The following FMN1 variants were observed in gnomAD, a reference collection of about 807,000 sequenced individuals.
FMN1 encodes the protein formin 1.
In FMN1, 110 loss-of-function variants were observed where a neutral mutation model predicts 132.4. The observed-to-expected ratio is 0.83, with a 90% confidence interval of 0.71 to 0.97. The LOEUF (loss-of-function observed/expected upper bound fraction) is 0.97, where lower values mean the gene tolerates loss of function less well. Among genes scored for constraint, FMN1 ranks in the 50% least tolerant of loss-of-function variants. FMN1 has a pLI of 0.00. For missense variants in FMN1, 1,792 were observed against 1,705.3 expected (o/e 1.05, Z -0.90); for synonymous variants, 722 against 651.7 (o/e 1.11, Z -1.64).
At chr15:33,181,465 C>T (rs1158514457) in intron 2 of FMN1, among the ~76,000 whole-genome samples, 6 of 152,214 alleles carry the variant, frequency 3.9e-5, no homozygotes, top group South Asian at 4.1e-4. Context: ...AAAAGCTGCT[C>T]GCTGCAAACA....
chr15:32,831,611 G>C (rs943817768), intron 17 of FMN1, among the ~76,000 whole-genome samples: 1 of 152,104 alleles, frequency 6.6e-6, no homozygotes, highest in African/African-American at 2.4e-5. Context: ...GCAATCATGA[G>C]ACTCCCTAGA....
intron 17 of FMN1, among the ~76,000 whole-genome samples, chr15:32,853,563 A>G (rs2059057737): frequency 6.6e-6 from 1 of 152,236 alleles, no homozygotes; most frequent in Non-Finnish European, 1.5e-5. Context: ...ATTTTCTACG[A>G]ATCAGTGAAA....
At chr15:33,013,901 T>C (rs2034884477) in intron 6 of FMN1, among the ~76,000 whole-genome samples, 1 of 152,254 alleles carries the variant, frequency 6.6e-6, no homozygotes, top group Non-Finnish European at 1.5e-5. Flanking sequence ...TTTGCAATGA[T>C]TCATTTTGTG....
intron 6 of FMN1, among the ~76,000 whole-genome samples, chr15:33,033,718 TACTGTCTCC>T (rs2036057781): frequency 6.6e-6 from 1 of 151,816 alleles, no homozygotes. Context: ...GTCACCTACA[TACTGTCTCC>T]AATTATCATT....
chr15:32,906,611 T>C (rs1427850659), intron 12 of FMN1, among the ~76,000 whole-genome samples: 1 of 152,232 alleles, frequency 6.6e-6, no homozygotes, highest in African/African-American at 2.4e-5. Flanking sequence ...ACCCAAGTGC[T>C]TTGATATGCC....
chr15:33,129,787 A>ATTT (rs61564380), intron 4 of FMN1, among the ~76,000 whole-genome samples: 7 of 121,730 alleles, frequency 5.8e-5, no homozygotes, highest in African/African-American at 9.4e-5. Context: ...TTGACTAGCA[A>ATTT]TTTTTTTTTT....
chr15:33,134,103 A>G (rs907806313), intron 4 of FMN1, among the ~76,000 whole-genome samples: 1 of 152,000 alleles, frequency 6.6e-6, no homozygotes, highest in Non-Finnish European at 1.5e-5. Flanking sequence ...CACACAACAC[A>G]TGCCCAGCTA....
intron 2 of FMN1, among the ~76,000 whole-genome samples, chr15:33,181,675 C>T (rs1965705476): frequency 6.7e-6 from 1 of 149,578 alleles, no homozygotes; most frequent in African/African-American, 2.5e-5. Flanking sequence ...GAGACAAGAT[C>T]TGATTATATT....
chr15:32,774,405 T>G, intron 20 of FMN1, 51 bp from the exon 21 acceptor site: 1 of 1,469,408 alleles, frequency 6.8e-7, no homozygotes, highest in Non-Finnish European at 9.3e-7. Context: ...CTTTCTCAAG[T>G]TTTGATACAT....
chr15:32,992,668 T>C (rs2033508046), intron 7 of FMN1, among the ~76,000 whole-genome samples: 1 of 152,204 alleles, frequency 6.6e-6, no homozygotes, highest in Non-Finnish European at 1.5e-5. Context: ...TTTCTTCTAA[T>C]ATCCTAATCA....
intron 19 of FMN1, among the ~76,000 whole-genome samples, chr15:32,785,183 T>TGTGC (rs1202567063): frequency 2.4e-5 from 1 of 41,060 alleles, no homozygotes; most frequent in Non-Finnish European, 5.0e-5. Context: ...TGTGTGTGTG[T>TGTGC]GTGTGTGTGT....
intron 19 of FMN1, 116 bp downstream of exon 19, chr15:32,798,688 C>G: frequency 1.0e-6 from 1 of 981,204 alleles, no homozygotes; most frequent in South Asian, 1.9e-5. Context: ...TCCCCTATGA[C>G]CACTTCATCC....
intron 7 of FMN1, among the ~76,000 whole-genome samples, chr15:32,987,008 T>G (rs949838318): frequency 1.3e-5 from 2 of 152,174 alleles, no homozygotes; most frequent in Non-Finnish European, 2.9e-5. Flanking sequence ...CTATTCAAAC[T>G]TGAAATGTCA....
Position 32,774,190 on chromosome 15 carries a change from T to C in FMN1, c.*120A>G, listed in dbSNP as rs947652295. On this transcript the variant is annotated 3_prime_UTR_variant, in exon 21 of 21. Coordinates refer to ENST00000616417, the MANE Select transcript of FMN1 (RefSeq NM_001277313.2). ...CTCTGCAGATGACCTCAGAAAGAGA[T>C]GAGCAAAAACAAACATTTAGTGACA... is the stretch of plus-strand genomic sequence containing the variant. The C allele has an allele frequency of 3.8e-6, 3 of 791,210 alleles. No homozygotes were observed. The highest frequency in any genetic ancestry group is 6.3e-6 in the Non-Finnish European group (3 of 473,406). The allele number at this position is 791,210 out of a possible 1,614,324, so 49.0% of individuals were successfully genotyped here.
chr15:33,004,920 C>T (rs911766646), intron 7 of FMN1, among the ~76,000 whole-genome samples: 8 of 152,106 alleles, frequency 5.3e-5, no homozygotes, highest in Admixed American at 4.6e-4. Flanking sequence ...CCATCATTCT[C>T]AGCAAACTAT....
At chr15:33,145,977 A>ATT (rs113506987) in intron 4 of FMN1, among the ~76,000 whole-genome samples, 1,484 of 143,108 alleles carry the variant, frequency 0.01, 25 homozygotes, top group African/African-American at 0.036. Flanking sequence ...ATTACCATGA[A>ATT]TTTTTTTTTT....
chr15:33,116,305 T>G (rs2140150114), intron 4 of FMN1, among the ~76,000 whole-genome samples: 1 of 152,344 alleles, frequency 6.6e-6, no homozygotes, highest in African/African-American at 2.4e-5. Context: ...CACATTAATC[T>G]GTGCTTCATC....
chr15:32,961,025 G>C (rs940247080), intron 9 of FMN1, among the ~76,000 whole-genome samples: 1 of 148,782 alleles, frequency 6.7e-6, no homozygotes, highest in Non-Finnish European at 1.5e-5. Flanking sequence ...AAAAAGGCAG[G>C]GTTGATGGTA....
chr15:32,865,119 G>C (rs1213022911), intron 16 of FMN1, among the ~76,000 whole-genome samples: 1 of 152,024 alleles, frequency 6.6e-6, no homozygotes, highest in Non-Finnish European at 1.5e-5. Context: ...GAGAGAGAGA[G>C]AGGTGACAGC....
Sources: allele counts gnomAD v4.1 joint callset (sites outside exome capture counted in the v4.1 genomes callset), GRCh38; gene constraint gnomAD v4.1.1; transcripts MANE v1.5; gene names NCBI Gene and HGNC (gene_info 2026-07-23, HGNC 2026-07-21).